Variants in PRIM2 observed in about 807,000 individuals in gnomAD.
PRIM2 encodes the protein DNA primase subunit 2, also known as DNA primase large subunit.
A neutral mutation model predicts 67.3 loss-of-function variants in PRIM2; 39 were observed. The ratio of observed to expected loss-of-function variants is 0.58; its 90% confidence interval spans 0.45 to 0.76. The LOEUF (loss-of-function observed/expected upper bound fraction) is 0.76. Among genes scored for constraint, PRIM2 ranks in the 30% least tolerant of loss-of-function variants. The probability of loss-of-function intolerance (pLI) is 0.00; values close to 1 mark genes in which losing one functional copy is unlikely to be tolerated. For missense variants in PRIM2, 398 were observed against 598.7 expected (o/e 0.66, Z 3.50); for synonymous variants, 143 against 198.7 (o/e 0.72, Z 2.36).
intron 7 of PRIM2, among the ~76,000 whole-genome samples, chr6:57,450,831 T>A (rs1772520550): frequency 6.6e-6 from 1 of 152,210 alleles, no homozygotes; most frequent in African/African-American, 2.4e-5. Flanking sequence ...ATACTATACT[T>A]TAGTATACTG....
intron 12 of PRIM2, among the ~76,000 whole-genome samples, chr6:57,622,991 A>C (rs1187516299): frequency 6.6e-6 from 1 of 152,184 alleles, no homozygotes; most frequent in African/African-American, 2.4e-5. Context: ...TTCTTAGGTA[A>C]GGGGGACTTA....
At chr6:57,300,201 T>C in the PRIM2 span, among the ~76,000 whole-genome samples, 2 of 152,228 alleles carry the variant, frequency 1.3e-5, no homozygotes, top group African/African-American at 4.8e-5. Flanking sequence ...AGATGCATTG[T>C]CCATTTTGGA....
chr6:57,262,598 G>A, the PRIM2 span, among the ~76,000 whole-genome samples: 1 of 152,100 alleles, frequency 6.6e-6, no homozygotes, highest in Non-Finnish European at 1.5e-5. Context: ...TGAGAACACA[G>A]CACATGCCAA....
At position 57,518,624 on chromosome 6, in the gene PRIM2, G is replaced by A. The variant is rs1554348516; in HGVS notation, c.761+11170G>A. 1.1e-4 allele frequency among the ~76,000 whole-genome samples: 17 copies of A among 152,136 alleles called. 1 individual carries two copies. The highest frequency in any genetic ancestry group is 1.8e-4 in the Non-Finnish European group (12 of 67,980). On this transcript the variant is annotated intron_variant, in intron 8 of 13. Transcript: ENST00000615550. ...GTTAAAAAATTTTACCTTTAATTCC[G>A]TTTTCCAAGCTGCTAAATATTGAGA...
chr6:57,554,249 T>C (rs1372073764), intron 10 of PRIM2, among the ~76,000 whole-genome samples: 2 of 147,582 alleles, frequency 1.4e-5, no homozygotes, highest in African/African-American at 5.0e-5. Context: ...TTTTAAAAGC[T>C]ATATTTTGTT....
At chr6:57,453,879 A>G (rs1772651376) in intron 7 of PRIM2, among the ~76,000 whole-genome samples, 1 of 152,104 alleles carries the variant, frequency 6.6e-6, no homozygotes, top group South Asian at 2.1e-4. Context: ...TTCAAAGGGA[A>G]TGCTTCCCGT....
chr6:57,319,315 A>G (rs1013893), intron 2 of PRIM2, among the ~76,000 whole-genome samples: 53,997 of 152,040 alleles, frequency 0.36, 9,705 homozygotes, highest in East Asian at 0.53. Flanking sequence ...TGGGCTAGAC[A>G]TGAATTGAAA....
chr6:57,513,667 G>A (rs1383823859), intron 8 of PRIM2, among the ~76,000 whole-genome samples: 9 of 152,138 alleles, frequency 5.9e-5, no homozygotes, highest in African/African-American at 2.2e-4. Context: ...GCTGAGGCAG[G>A]CAGATCACTT....
chr6:57,553,994 A>G (rs1183432548), intron 10 of PRIM2, among the ~76,000 whole-genome samples: 1 of 152,180 alleles, frequency 6.6e-6, no homozygotes, highest in Non-Finnish European at 1.5e-5. Context: ...TTTCTGACAA[A>G]TCAACACTTA....
At chr6:57,467,965 A>G (rs1773245610) in intron 7 of PRIM2, among the ~76,000 whole-genome samples, 1 of 152,126 alleles carries the variant, frequency 6.6e-6, no homozygotes, top group African/African-American at 2.4e-5. Context: ...TGATTTTTGC[A>G]CATTGATTTT....
the PRIM2 span, among the ~76,000 whole-genome samples, chr6:57,241,150 G>A: frequency 1.3e-5 from 2 of 151,670 alleles, no homozygotes; most frequent in Non-Finnish European, 2.9e-5. Context: ...CGTGAACCCA[G>A]GAGGCGGAGC....
At position 57,320,518 on chromosome 6, in the gene PRIM2, T is replaced by C. The variant is rs574446552; in HGVS notation, c.216T>C (p.Ser72=). The C allele has an allele frequency of 2.8e-4, 457 of 1,609,756 alleles. 9 individuals carry two copies. In the South Asian group the frequency reaches 4.8e-3, roughly 17 times the overall value. The change falls in exon 3 of 14, where the codon AGT becomes AGC. Residue 72 remains serine (S), a synonymous_variant. Transcript: ENST00000615550. ...TGAAAGGAACTGAACAATACCAGAG[T>C]AAGTTGGAGAGTGAGCTTCGGAAGC... is the stretch of plus-strand genomic sequence containing the variant. ...SYVKGTEQYQ[S]KLESELRKLK... is the part of the protein sequence containing the mutation.
chr6:57,567,463 G>A (rs1775766258), intron 10 of PRIM2, among the ~76,000 whole-genome samples: 1 of 152,084 alleles, frequency 6.6e-6, no homozygotes, highest in Admixed American at 6.5e-5. Context: ...TTGGTAGGCT[G>A]GGTGTATTAA....
intron 7 of PRIM2, among the ~76,000 whole-genome samples, chr6:57,464,082 C>T (rs1396319636): frequency 1.5e-4 from 23 of 152,216 alleles, no homozygotes; most frequent in African/African-American, 4.8e-4. Context: ...ACTCACTTTC[C>T]GGGTCTTCCC....
chr6:57,533,217 G>A (rs1456369969), intron 9 of PRIM2, among the ~76,000 whole-genome samples: 4 of 151,734 alleles, frequency 2.6e-5, no homozygotes, highest in Admixed American at 2.6e-4. Context: ...TGACTTTGTG[G>A]TTCCATAGGG....
chr6:57,251,397 A>C, the PRIM2 span, among the ~76,000 whole-genome samples: 1 of 152,320 alleles, frequency 6.6e-6, no homozygotes, highest in Non-Finnish European at 1.5e-5. Flanking sequence ...TGTCCGTCTA[A>C]TGCAGGTTGG....
At chr6:57,317,827 G>C (rs1370910600) in intron 1 of PRIM2, 126 bp downstream of exon 1, 1 of 152,950 alleles carries the variant, frequency 6.5e-6, no homozygotes, top group East Asian at 1.9e-4. Flanking sequence ...TGGCGGGTTG[G>C]TTGTTTGGGG....
At chr6:57,429,924 G>C in intron 7 of PRIM2, among the ~76,000 whole-genome samples, 1 of 152,282 alleles carries the variant, frequency 6.6e-6, no homozygotes, top group Non-Finnish European at 1.5e-5. Context: ...AATGGCTAGT[G>C]CTGTTGAACA....
intron 7 of PRIM2, among the ~76,000 whole-genome samples, chr6:57,431,308 A>G (rs1164368351): frequency 6.6e-6 from 1 of 152,066 alleles, no homozygotes; most frequent in African/African-American, 2.4e-5. Flanking sequence ...AATTTAGATA[A>G]CAACTGTGAA....
Sources: allele counts gnomAD v4.1 joint callset (sites outside exome capture counted in the v4.1 genomes callset), GRCh38; gene constraint gnomAD v4.1.1; transcripts MANE v1.5; gene names NCBI Gene and HGNC (gene_info 2026-07-23, HGNC 2026-07-21).